Variants in ADGB observed in about 807,000 individuals in gnomAD.
The protein encoded by ADGB is calpain-7-like protein.
A neutral mutation model predicts 210.5 loss-of-function variants in ADGB; 172 were observed. That is an observed-to-expected ratio of 0.82 (90% CI 0.72 to 0.93). The LOEUF (loss-of-function observed/expected upper bound fraction) is 0.93. Ranked by LOEUF, ADGB falls within the 40% of genes least tolerant of loss-of-function variation. The probability of loss-of-function intolerance (pLI) is 0.00; values close to 1 mark genes in which losing one functional copy is unlikely to be tolerated. For synonymous variants in ADGB, 658 were observed against 662.7 expected (o/e 0.99, Z 0.11); for missense variants, 2,025 against 1,964.8 (o/e 1.03, Z -0.58).
intron 12 of ADGB, among the ~76,000 whole-genome samples, chr6:146,694,292 AG>A (rs1445699827): frequency 6.6e-6 from 1 of 152,174 alleles, no homozygotes; most frequent in East Asian, 1.9e-4. Flanking sequence ...GAGGCTGGGA[AG>A]TCCAAGAACT....
At chr6:146,691,913 G>A (rs555474949) in intron 11 of ADGB, among the ~76,000 whole-genome samples, 6 of 150,500 alleles carry the variant, frequency 4.0e-5, no homozygotes, top group South Asian at 2.1e-4. Flanking sequence ...CCCTCTCTCC[G>A]TCCCTCCTTC....
chr6:146,606,793 G>C (rs1490659223), intron 1 of ADGB, among the ~76,000 whole-genome samples: 1 of 152,056 alleles, frequency 6.6e-6, no homozygotes, highest in African/African-American at 2.4e-5. Context: ...ATGCTGCTTC[G>C]GTCACTGTAG....
intron 6 of ADGB, among the ~76,000 whole-genome samples, chr6:146,666,609 C>G (rs9403801): frequency 0.45 from 67,456 of 151,516 alleles, 15,027 homozygotes; most frequent in East Asian, 0.52. Context: ...TATAAACATG[C>G]CTTGCAAATA....
intron 27 of ADGB, among the ~76,000 whole-genome samples, chr6:146,760,839 C>T (rs1251155720): frequency 1.3e-5 from 2 of 151,784 alleles, no homozygotes; most frequent in African/African-American, 2.4e-5. Flanking sequence ...TTTGCATTTC[C>T]CTTATGACTA....
intron 10 of ADGB, among the ~76,000 whole-genome samples, chr6:146,690,284 A>G (rs575342969): frequency 6.6e-6 from 1 of 152,170 alleles, no homozygotes; most frequent in South Asian, 2.1e-4. Flanking sequence ...GATTGTGGCT[A>G]TTGCATAGAA....
chr6:146,728,220 G>A (rs1216036296), intron 19 of ADGB, among the ~76,000 whole-genome samples: 1 of 151,982 alleles, frequency 6.6e-6, no homozygotes, highest in Non-Finnish European at 1.5e-5. Context: ...TTATCTTTCT[G>A]GCTTTCTCCC....
At chr6:146,738,278 T>C (rs1216365678) in intron 23 of ADGB, among the ~76,000 whole-genome samples, 2 of 152,058 alleles carry the variant, frequency 1.3e-5, no homozygotes, top group Non-Finnish European at 2.9e-5. Context: ...ACATTGGTAT[T>C]GTCATTACTA....
intron 7 of ADGB, among the ~76,000 whole-genome samples, chr6:146,670,266 C>T (rs910353789): frequency 6.6e-6 from 1 of 152,022 alleles, no homozygotes; most frequent in Non-Finnish European, 1.5e-5. Flanking sequence ...AACTATTACA[C>T]TTGAATGAAG....
At chr6:146,742,570 G>A (rs1450010972) in intron 25 of ADGB, among the ~76,000 whole-genome samples, 8 of 152,044 alleles carry the variant, frequency 5.3e-5, no homozygotes, top group South Asian at 2.1e-4. Context: ...TAAAGTCAAT[G>A]CATCAATATA....
At chr6:146,664,560 G>T (rs1775913393) in intron 6 of ADGB, among the ~76,000 whole-genome samples, 1 of 151,818 alleles carries the variant, frequency 6.6e-6, no homozygotes, top group Admixed American at 6.6e-5. Context: ...ATATACCCAA[G>T]AATTATTCTA....
intron 10 of ADGB, among the ~76,000 whole-genome samples, chr6:146,689,327 A>G (rs967961322): frequency 2.0e-5 from 3 of 152,172 alleles, no homozygotes; most frequent in Admixed American, 2.0e-4. Flanking sequence ...AACTATAACT[A>G]TTATTAATAG....
At chr6:146,622,517 G>A (rs188889292) in intron 1 of ADGB, among the ~76,000 whole-genome samples, 1 of 152,208 alleles carries the variant, frequency 6.6e-6, no homozygotes, top group Admixed American at 6.5e-5. Flanking sequence ...GATCGTATTT[G>A]AGGGGCCATT....
chr6:146,733,819 C>A lies in ADGB; in HGVS notation c.2657-74C>A, dbSNP rs527392090. On this transcript the variant is annotated intron_variant, in intron 21 of 35. Transcript: ENST00000397944. ...AATTTTATATGTTGGAGGGCTTTGG[C>A]AGCTGAAGGCGTTGAAACTTAGGGA... The A allele has an allele frequency of 2.7e-6, 4 of 1,486,816 alleles. No homozygotes were observed. In the South Asian group the frequency reaches 4.9e-5, roughly 18 times the overall value. The allele number at this position is 1,486,816 out of a possible 1,614,324, so 92.1% of individuals were successfully genotyped here.
At chr6:146,689,946 G>A (rs1374386860) in intron 10 of ADGB, among the ~76,000 whole-genome samples, 1 of 152,076 alleles carries the variant, frequency 6.6e-6, no homozygotes, top group Non-Finnish European at 1.5e-5. Context: ...ATATACCAAA[G>A]GGATAAAAAG....
intron 29 of ADGB, among the ~76,000 whole-genome samples, chr6:146,778,374 A>T (rs1777752687): frequency 6.6e-6 from 1 of 152,208 alleles, no homozygotes; most frequent in South Asian, 2.1e-4. Context: ...GCCACCCCAA[A>T]GTTTATGGCT....
At chr6:146,797,184 A>G (rs996454855) in intron 33 of ADGB, among the ~76,000 whole-genome samples, 1 of 152,196 alleles carries the variant, frequency 6.6e-6, no homozygotes, top group Non-Finnish European at 1.5e-5. Context: ...CACAATCAAA[A>G]AAACAAAAAG....
At chr6:146,676,761 T>C (rs73571874) in intron 9 of ADGB, among the ~76,000 whole-genome samples, 4,846 of 152,240 alleles carry the variant, frequency 0.032, 231 homozygotes, top group African/African-American at 0.11. Context: ...AAATTCAAAG[T>C]TACTTGTTTG....
At chr6:146,748,019 G>A (rs1180249651) in intron 26 of ADGB, among the ~76,000 whole-genome samples, 1 of 151,920 alleles carries the variant, frequency 6.6e-6, no homozygotes. Flanking sequence ...CTGGCCTCAA[G>A]TGAGGCCACC....
chr6:146,763,415 C>T (rs1173903788), intron 27 of ADGB, among the ~76,000 whole-genome samples: 2 of 152,030 alleles, frequency 1.3e-5, no homozygotes, highest in African/African-American at 2.4e-5. Context: ...ATCAGCAGTA[C>T]TTATATGATC....
Sources: allele counts gnomAD v4.1 joint callset (sites outside exome capture counted in the v4.1 genomes callset), GRCh38; gene constraint gnomAD v4.1.1; transcripts MANE v1.5; gene names NCBI Gene and HGNC (gene_info 2026-07-23, HGNC 2026-07-21).